The following DYRK4 variants were observed in gnomAD, a reference collection of about 807,000 sequenced individuals.
DYRK4 encodes the protein dual specificity tyrosine phosphorylation regulated kinase 4.
In DYRK4, 64 loss-of-function variants were observed where a neutral mutation model predicts 68.3. The observed-to-expected ratio is 0.94, with a 90% CI of 0.77 to 1.15. The LOEUF (loss-of-function observed/expected upper bound fraction) is 1.15, where lower values mean the gene tolerates loss of function less well. Ranked by LOEUF, DYRK4 falls within the 50% of genes most tolerant of loss-of-function variation. The probability of loss-of-function intolerance (pLI) is 0.00; values close to 1 mark genes in which losing one functional copy is unlikely to be tolerated. For synonymous variants in DYRK4, 274 were observed against 289.9 expected (o/e 0.95, Z 0.56); for missense variants, 740 against 764.7 (o/e 0.97, Z 0.38).
In DYRK4 at chr12:4,604,960, C is replaced by A. The variant is rs1945124971; in HGVS notation, c.1173C>A (p.Ile391=). 1 of 1,613,446 alleles carries A rather than the reference C, an allele frequency of 6.2e-7. No homozygotes were observed. The highest frequency in any genetic ancestry group is 8.5e-7 in the Non-Finnish European group (1 of 1,179,610). ...GGTTCTACCGATCCCCAGAAGTGAT[C>A]CTGGGCCACCCCTACGACGTGGCCA... is the stretch of plus-strand genomic sequence containing the variant. ...QSRFYRSPEV[I]LGHPYDVAID... Residue 391 remains isoleucine (I), a synonymous_variant, in exon 11 of 15, where the codon ATC becomes ATA. Coordinates refer to ENST00000543431, the MANE Select transcript of DYRK4 (RefSeq NM_001394779.1).
rs764501125 is a variant in DYRK4 at position 4,599,200 on chromosome 12, T to A, written c.1044+34T>A. The A allele has an allele frequency of 3.1e-6, 5 of 1,605,074 alleles. No homozygotes were observed. The East Asian group carries it at 1.1e-4, about 36-fold the overall frequency. On this transcript the variant is annotated intron_variant, in intron 9 of 14. Transcript: ENST00000543431. ...CATCTCCGTCCTGCCATGGACACAC[T>A]CTGGAAATACCCATTCTATTCCCCA...
intron 2 of DYRK4, among the ~76,000 whole-genome samples, chr12:4,584,298 T>C (rs964262436): frequency 2.6e-5 from 4 of 152,156 alleles, no homozygotes; most frequent in African/African-American, 4.8e-5. Context: ...GTTCAGTAAA[T>C]GCGTTAAGAA....
chr12:4,571,813 CT>C (rs1226213769), intron 2 of DYRK4, among the ~76,000 whole-genome samples: 1 of 152,106 alleles, frequency 6.6e-6, no homozygotes, highest in African/African-American at 2.4e-5. Context: ...ATACTCATGA[CT>C]CACATAATGT....
At position 4,596,572 on chromosome 12, in the gene DYRK4, A is replaced by G; in HGVS notation, c.765-17A>G. ...ATCCCCATTTCCCACCCTGCCGGCC[A>G]CTCCCAATCACCTTAGGTTTCACCA... is the stretch of plus-strand genomic sequence containing the variant. On this transcript the variant is annotated splice_polypyrimidine_tract_variant and intron_variant, in intron 7 of 14. Coordinates refer to ENST00000543431, the MANE Select transcript of DYRK4 (RefSeq NM_001394779.1). 6.2e-7 allele frequency: 1 copy of G among 1,608,300 alleles called. No homozygotes were observed. The highest frequency in any genetic ancestry group is 1.1e-5 in the South Asian group (1 of 89,694).
chr12:4,588,461 G>A (rs1409044005), intron 2 of DYRK4, among the ~76,000 whole-genome samples: 3 of 152,114 alleles, frequency 2.0e-5, no homozygotes, highest in Non-Finnish European at 2.9e-5. Flanking sequence ...ACCCTTCTAG[G>A]CGTGAAGTCT....
At chr12:4,610,545 G>T in intron 13 of DYRK4, 1 of 282,208 alleles carries the variant, frequency 3.5e-6, no homozygotes, top group Non-Finnish European at 6.6e-6. Context: ...TAAGTGACCT[G>T]CCCTGGAATA....
intron 11 of DYRK4, among the ~76,000 whole-genome samples, chr12:4,606,379 G>A (rs531845161): frequency 1.3e-5 from 2 of 152,166 alleles, no homozygotes; most frequent in Non-Finnish European, 2.9e-5. Context: ...TTGTCTCAAA[G>A]TTACAGAGAA....
intron 2 of DYRK4, among the ~76,000 whole-genome samples, chr12:4,581,530 T>G (rs1014987896): frequency 6.6e-6 from 1 of 152,200 alleles, no homozygotes; most frequent in African/African-American, 2.4e-5. Context: ...TTAGAGGCTT[T>G]CCTTCCAAAA....
At chr12:4,607,457 C>A (rs1289788726) in intron 12 of DYRK4, 70 bp downstream of exon 12, 27 of 1,543,602 alleles carry the variant, frequency 1.7e-5, no homozygotes, top group Non-Finnish European at 2.3e-5. Flanking sequence ...AGGCTCATTT[C>A]ATTCTTTTCC....
intron 10 of DYRK4, chr12:4,602,589 A>G: frequency 7.6e-7 from 1 of 1,321,240 alleles, no homozygotes; most frequent in Non-Finnish European, 1.1e-6. Flanking sequence ...GAGTGACAAC[A>G]TCAATCTTTG....
chr12:4,612,570 G>T lies in DYRK4; in HGVS notation c.1518G>T (p.Pro506=). Residue 506 remains proline, a synonymous_variant, in exon 14 of 15, where the codon CCG becomes CCT. Transcript: ENST00000543431. ...GGGAACCTTCTCTTCGCATGACCCC[G>T]GACCAGGCCCTCAAGCATGCTTGGA... is the stretch of plus-strand genomic sequence containing the variant. ...LVWEPSLRMT[P]DQALKHAWIH... 3 of 1,614,166 alleles carry T rather than the reference G, an allele frequency of 1.9e-6. No individual in the cohort carries two copies. The South Asian group carries it at 3.3e-5, about 18-fold the overall frequency.
At chr12:4,603,301 C>G in intron 10 of DYRK4, 1 of 852,398 alleles carries the variant, frequency 1.2e-6, no homozygotes, top group East Asian at 2.6e-5. Flanking sequence ...TCTCACAAGC[C>G]ATCTCTATTA....
chr12:4,571,013 G>A lies in DYRK4; in HGVS notation c.132+2965G>A, dbSNP rs1383036250. 2.0e-5 allele frequency among the ~76,000 whole-genome samples: 3 copies of A among 152,176 alleles called. No homozygotes were observed. In the East Asian group the frequency reaches 5.8e-4, roughly 29 times the overall value. Reference sequence around the variant, plus strand: ...CGTAACTGCCGGCAGGGGAAACAGAGGCCCTTTGGTCCTCAGTCATCTCAA... The same window carrying A: ...CGTAACTGCCGGCAGGGGAAACAGAAGCCCTTTGGTCCTCAGTCATCTCAA... On this transcript the variant is annotated intron_variant, in intron 2 of 14. Transcript: ENST00000543431.
At chr12:4,572,154 C>A (rs1316775913) in intron 2 of DYRK4, among the ~76,000 whole-genome samples, 1 of 152,164 alleles carries the variant, frequency 6.6e-6, no homozygotes, top group Non-Finnish European at 1.5e-5. Context: ...AATGACTCAC[C>A]TTCATTTTCA....
Position 4,612,725 on chromosome 12 carries a change from C to T in DYRK4, c.1666+7C>T, listed in dbSNP as rs1299128403. ...CATCACTCGAGCAGAAAAGGTACAG[C>T]CTGTCAAATAACCAGTCCTAGTCCC... On this transcript the variant is annotated splice_region_variant and intron_variant, in intron 14 of 14. Transcript: ENST00000543431. The T allele has an allele frequency of 6.2e-7, 1 of 1,613,908 alleles. No individual in the cohort carries two copies. The highest frequency in any genetic ancestry group is 8.5e-7 in the Non-Finnish European group (1 of 1,179,810).
chr12:4,569,712 C>T (rs1219068201), intron 2 of DYRK4, among the ~76,000 whole-genome samples: 1 of 152,000 alleles, frequency 6.6e-6, no homozygotes, highest in African/African-American at 2.4e-5. Flanking sequence ...CCTCCCACTT[C>T]AGCCTTCCAA....
In DYRK4 at chr12:4,581,732, A is replaced by G. The variant is rs182832522; in HGVS notation, c.133-7205A>G. Among the ~76,000 whole-genome samples, 238 of 152,202 alleles carry G rather than the reference A, an allele frequency of 1.6e-3. 1 individual carries two copies. The highest frequency in any genetic ancestry group is 5.4e-3 in the African/African-American group (225 of 41,540). The stretch of plus-strand genomic sequence containing the variant: ...CAGGACAAGTGCTGGGTCCTGAAAC[A>G]TCCTGCTCCCTCCCTGCCTCTCTCC... On this transcript the variant is annotated intron_variant, in intron 2 of 14. Transcript: ENST00000543431.
intron 2 of DYRK4, among the ~76,000 whole-genome samples, chr12:4,574,853 G>A (rs944798907): frequency 6.6e-6 from 1 of 152,156 alleles, no homozygotes; most frequent in East Asian, 1.9e-4. Flanking sequence ...CAGTAGCTGG[G>A]ATTACAGGTG....
chr12:4,588,379 G>A (rs756049618), intron 2 of DYRK4, among the ~76,000 whole-genome samples: 2 of 152,242 alleles, frequency 1.3e-5, no homozygotes, highest in South Asian at 2.1e-4. Context: ...TACACATTAC[G>A]TCCTCTTCCT....
Sources: gnomAD v4.1 joint callset for allele counts (sites outside exome capture counted in the v4.1 genomes callset) on GRCh38, gnomAD v4.1.1 for gene constraint, MANE v1.5 for transcripts, NCBI Gene and HGNC (gene_info 2026-07-23, HGNC 2026-07-21) for gene names.